LRMDA: variants seen among roughly 807,000 people sequenced by gnomAD.
LRMDA encodes the protein leucine rich melanocyte differentiation associated.
LRMDA carries 18 observed loss-of-function variants against 29.8 expected under a neutral mutation model. The ratio of observed to expected loss-of-function variants is 0.60; its 90% confidence interval spans 0.42 to 0.90. The LOEUF is 0.90. LRMDA is among the 40% of genes least tolerant of loss of function. The pLI is 0.00. For synonymous variants in LRMDA, 125 were observed against 109.4 expected, an observed-to-expected ratio of 1.14 and a Z score of -0.89; for missense variants, 273 against 273.9, an observed-to-expected ratio of 1.00 and a Z score of 0.02.
chr10:76,163,204 T>C (rs1172285199), intron 5 of LRMDA, among the ~76,000 whole-genome samples: 1 of 152,192 alleles, frequency 6.6e-6, no homozygotes, highest in African/African-American at 2.4e-5. Flanking sequence ...GTTTGGCTGC[T>C]TGTTGATGGA....
rs184141832 is a variant in LRMDA at position 76,503,226 on chromosome 10, C to T, written c.602-53983C>T. ...TGATTTGTATATATTGAACCAACCT[C>T]ACATCACAGGAATAAAGCCTATTTG... On this transcript the variant is annotated intron_variant, in intron 6 of 6. Transcript: ENST00000611255. Among the ~76,000 whole-genome samples, 18 of 151,852 alleles carry T rather than the reference C, an allele frequency of 1.2e-4. No homozygotes were observed. In the East Asian group the frequency reaches 3.1e-3, roughly 26 times the overall value.
chr10:75,926,775 A>G (rs992141573), intron 2 of LRMDA, among the ~76,000 whole-genome samples: 4 of 152,202 alleles, frequency 2.6e-5, no homozygotes, highest in African/African-American at 9.6e-5. Flanking sequence ...TAAACAAGCA[A>G]AATTGCTTTC....
chr10:76,022,597 C>A (rs1255605642), intron 2 of LRMDA, among the ~76,000 whole-genome samples: 1 of 152,322 alleles, frequency 6.6e-6, no homozygotes, highest in East Asian at 1.9e-4. Context: ...ATGTGCAGAT[C>A]TGGCTGCCTG....
At chr10:75,787,415 C>A (rs1242897579) in intron 2 of LRMDA, among the ~76,000 whole-genome samples, 1 of 152,104 alleles carries the variant, frequency 6.6e-6, no homozygotes, top group Non-Finnish European at 1.5e-5. Context: ...TCTCAGGAGG[C>A]GCCTGAATCT....
At chr10:76,023,262 A>G (rs974883641) in intron 2 of LRMDA, among the ~76,000 whole-genome samples, 1 of 152,148 alleles carries the variant, frequency 6.6e-6, no homozygotes, top group Admixed American at 6.5e-5. Flanking sequence ...TCAAACATTT[A>G]TCTTTTGCCC....
intron 2 of LRMDA, among the ~76,000 whole-genome samples, chr10:75,685,249 G>T (rs1308072888): frequency 6.6e-6 from 1 of 150,986 alleles, no homozygotes; most frequent in Non-Finnish European, 1.5e-5. Context: ...AAAAAAAAAA[G>T]GTGCCTCACT....
intron 2 of LRMDA, among the ~76,000 whole-genome samples, chr10:75,836,557 C>A (rs1844440546): frequency 6.6e-6 from 1 of 152,170 alleles, no homozygotes; most frequent in South Asian, 2.1e-4. Flanking sequence ...ATTTTCTAAA[C>A]TGCTTTGCAA....
chr10:76,094,722 A>T (rs866659964), intron 5 of LRMDA, among the ~76,000 whole-genome samples: 1 of 152,206 alleles, frequency 6.6e-6, no homozygotes, highest in Admixed American at 6.5e-5. Flanking sequence ...CTGGTAACTC[A>T]TTTTAGAAAC....
chr10:75,645,540 A>G (rs1841508319), intron 2 of LRMDA, among the ~76,000 whole-genome samples: 1 of 152,094 alleles, frequency 6.6e-6, no homozygotes, highest in South Asian at 2.1e-4. Flanking sequence ...GGAGGTGCCA[A>G]GTGCTTTACT....
intron 2 of LRMDA, among the ~76,000 whole-genome samples, chr10:75,690,870 G>C (rs1048192260): frequency 5.0e-4 from 76 of 150,562 alleles, no homozygotes; most frequent in African/African-American, 1.7e-3. Context: ...CTACTTGGGA[G>C]GCTAAGGTGG....
intron 2 of LRMDA, among the ~76,000 whole-genome samples, chr10:75,952,742 T>C (rs1013143129): frequency 3.3e-5 from 5 of 152,202 alleles, no homozygotes; most frequent in African/African-American, 9.6e-5. Context: ...CTTGGAATAT[T>C]TTTTTCTTAC....
intron 2 of LRMDA, among the ~76,000 whole-genome samples, chr10:75,749,314 A>G (rs1244733404): frequency 6.6e-6 from 1 of 152,150 alleles, no homozygotes; most frequent in Admixed American, 6.5e-5. Flanking sequence ...ATAATAGACT[A>G]TTAGTACTTT....
chr10:76,357,143 C>A (rs968882086), intron 6 of LRMDA, among the ~76,000 whole-genome samples: 9 of 152,176 alleles, frequency 5.9e-5, no homozygotes, highest in Non-Finnish European at 7.3e-5. Context: ...CTCTGTGAAG[C>A]CATTGCTGAG....
rs1554816010 is a variant in LRMDA at position 76,365,071 on chromosome 10, T to TACACACAC, written c.601+40594_601+40601dup. The stretch of plus-strand genomic sequence containing the variant: ...TGCATAGTATTCCATCGTATATATA[T>TACACACAC]ACACACACACACACATATATATATA... On this transcript the variant is annotated intron_variant, in intron 6 of 6. Transcript: ENST00000611255. Among the ~76,000 whole-genome samples the TACACACAC allele has an allele frequency of 8.3e-4, 76 of 91,532 alleles. 1 individual carries two copies. The highest frequency in any genetic ancestry group is 2.9e-3 in the African/African-American group (68 of 23,382). The allele number at this position is 91,532 out of a possible 152,430, so 60.0% of individuals were successfully genotyped here.
intron 6 of LRMDA, among the ~76,000 whole-genome samples, chr10:76,441,595 C>G (rs1420146554): frequency 6.6e-6 from 1 of 152,064 alleles, no homozygotes; most frequent in Non-Finnish European, 1.5e-5. Context: ...ATAGAGAGCC[C>G]CCTAAAATGT....
At chr10:75,821,980 C>T (rs987370639) in intron 2 of LRMDA, among the ~76,000 whole-genome samples, 4 of 152,140 alleles carry the variant, frequency 2.6e-5, no homozygotes, top group South Asian at 2.1e-4. Context: ...GTCCTAGCTA[C>T]AGCACTCAGT....
chr10:76,235,216 G>A (rs185537665), intron 5 of LRMDA, among the ~76,000 whole-genome samples: 30 of 152,212 alleles, frequency 2.0e-4, no homozygotes, highest in African/African-American at 7.2e-4. Context: ...CAGTCAGTTG[G>A]TGGAGCAGTC....
intron 6 of LRMDA, among the ~76,000 whole-genome samples, chr10:76,510,174 G>A (rs904556665): frequency 2.6e-5 from 4 of 152,136 alleles, no homozygotes; most frequent in African/African-American, 4.8e-5. Flanking sequence ...GGATTCAAGC[G>A]ATTCTCCTGC....
chr10:75,656,223 G>T (rs1841672921), intron 2 of LRMDA, among the ~76,000 whole-genome samples: 1 of 152,176 alleles, frequency 6.6e-6, no homozygotes, highest in Admixed American at 6.5e-5. Flanking sequence ...GTTTTGTGTG[G>T]AGATTAGCAG....
Sources: allele counts gnomAD v4.1 joint callset (sites outside exome capture counted in the v4.1 genomes callset), GRCh38; gene constraint gnomAD v4.1.1; transcripts MANE v1.5; gene names NCBI Gene and HGNC (gene_info 2026-07-23, HGNC 2026-07-21).